The following CDH15 variants were observed in gnomAD, a reference collection of about 807,000 sequenced individuals.
CDH15 encodes the protein cadherin-15.
In CDH15, 73 loss-of-function variants were observed where a neutral mutation model predicts 69.4. That is an observed-to-expected ratio of 1.05 (90% CI 0.87 to 1.28). The LOEUF is 1.28. Among genes scored for constraint, CDH15 ranks in the 50% most tolerant of loss-of-function variants. CDH15 has a pLI of 0.00. For synonymous variants in CDH15, 624 were observed against 507.7 expected (o/e 1.23, Z -3.08); for missense variants, 1,343 against 1,133.6 (o/e 1.18, Z -2.65).
intron 13 of CDH15, among the ~76,000 whole-genome samples, chr16:89,194,627 C>A (rs576930013): frequency 6.6e-6 from 1 of 152,150 alleles, no homozygotes; most frequent in African/African-American, 2.4e-5. Context: ...CCCCGGGGGA[C>A]GGGCTGGCCG....
At chr16:89,181,194 T>A (rs1443806610) in intron 3 of CDH15, among the ~76,000 whole-genome samples, 1 of 152,064 alleles carries the variant, frequency 6.6e-6, no homozygotes, top group African/African-American at 2.4e-5. Flanking sequence ...AGTGCTAGGA[T>A]TACAGGCGTG....
chr16:89,171,806 C>G lies in CDH15; in HGVS notation c.-26C>G, dbSNP rs767669977. On this transcript the variant is annotated 5_prime_UTR_variant, in exon 1 of 14. Coordinates refer to ENST00000289746, the MANE Select transcript of CDH15 (RefSeq NM_004933.3). ...CGCTTCTTCGGGTCGCGGGTGCACTCCGGCCCGGCTCCCGCCTCGGCCCCG... is the reference window on the plus strand; with the variant it reads ...CGCTTCTTCGGGTCGCGGGTGCACTGCGGCCCGGCTCCCGCCTCGGCCCCG... 6.5e-6 allele frequency: 10 copies of G among 1,547,580 alleles called. No homozygotes were observed. The African/African-American group carries it at 8.2e-5, about 13-fold the overall frequency.
chr16:89,192,072 C>G lies in CDH15; in HGVS notation c.1616-133C>G, dbSNP rs1374819552. On this transcript the variant is annotated intron_variant, in intron 10 of 13. Transcript: ENST00000289746. ...CCGTGGGGCAGGGTTACTCATTGTG[C>G]CCAGAGGACGGTGGGGGTGGGGGGG... 8 of 1,269,872 alleles carry G rather than the reference C, an allele frequency of 6.3e-6. No individual in the cohort carries two copies. The East Asian group carries it at 1.3e-4, about 20-fold the overall frequency. 78.7% of individuals were successfully genotyped at this position (1,269,872 alleles called of 1,614,324 possible).
rs751373556 is a variant in CDH15 at position 89,191,305 on chromosome 16, C to G, written c.1233-25C>G. ...TGGGGCCCTGGGGTAAACTCAGATC[C>G]CACTCTTCCCCTCCCCTGCATCAGC... On this transcript the variant is annotated intron_variant, in intron 8 of 13. Coordinates refer to ENST00000289746, the MANE Select transcript of CDH15 (RefSeq NM_004933.3). 1.1e-5 allele frequency: 18 copies of G among 1,612,244 alleles called. No homozygotes were observed. In the African/African-American group the frequency reaches 1.7e-4, roughly 16 times the overall value.
At chr16:89,187,997 AGGAGGGAGGGTGGGAGG>A in intron 6 of CDH15, 86 bp from the exon 7 acceptor site, 1 of 832,772 alleles carries the variant, frequency 1.2e-6, no homozygotes, top group Non-Finnish European at 1.7e-6. Flanking sequence ...GCTGGGAGGC[AGGAGGGAGGGTGGGAGG>A]GGAGGGTGGG....
intron 1 of CDH15, among the ~76,000 whole-genome samples, chr16:89,176,151 T>A (rs1481331820): frequency 6.6e-6 from 1 of 152,178 alleles, no homozygotes; most frequent in Admixed American, 6.5e-5. Context: ...TGCCAACATC[T>A]CCTTCCCGGC....
intron 8 of CDH15, among the ~76,000 whole-genome samples, 180 bp from the exon 9 acceptor site, chr16:89,191,150 G>A (rs1251252378): frequency 2.0e-5 from 3 of 152,060 alleles, no homozygotes; most frequent in Non-Finnish European, 4.4e-5. Context: ...TGTGGTGTGT[G>A]CATGCATGTG....
intron 4 of CDH15, among the ~76,000 whole-genome samples, chr16:89,184,596 G>T (rs997644864): frequency 4.6e-5 from 7 of 152,172 alleles, no homozygotes; most frequent in African/African-American, 4.8e-5. Flanking sequence ...CAGCCTGCCC[G>T]CGCATCCTCT....
chr16:89,188,216 C>T lies in CDH15; in HGVS notation c.909C>T (p.Gly303=), dbSNP rs770466727. Residue 303 remains glycine (G), a synonymous_variant, in exon 7 of 14, where the codon GGC becomes GGT. Coordinates refer to ENST00000289746, the MANE Select transcript of CDH15 (RefSeq NM_004933.3). ...TGGCCAGGTTCACCATCCTGGAAGGCGACCCCGATGGGCAGTTCACCATCC... is the reference window on the plus strand; with the variant it reads ...TGGCCAGGTTCACCATCCTGGAAGGTGACCCCGATGGGCAGTTCACCATCC... ...NWVARFTILE[G]DPDGQFTIRT... is the part of the protein sequence containing the mutation. 14 of 1,613,360 alleles carry T rather than the reference C, an allele frequency of 8.7e-6. No homozygotes were observed. The highest frequency in any genetic ancestry group is 1.7e-5 in the Admixed American group (1 of 59,976).
At chr16:89,181,946 A>G (rs1432619834) in intron 3 of CDH15, among the ~76,000 whole-genome samples, 1 of 151,624 alleles carries the variant, frequency 6.6e-6, no homozygotes, top group Admixed American at 6.6e-5. Context: ...TCAAAAAAAA[A>G]AACAGAAGAA....
Position 89,191,772 on chromosome 16 carries a change from G to T in CDH15, c.1493G>T (p.Gly498Val). The T allele has an allele frequency of 6.2e-7, 1 of 1,606,410 alleles. No homozygotes were observed. The highest frequency in any genetic ancestry group is 8.5e-7 in the Non-Finnish European group (1 of 1,179,508). Residue 498 changes from glycine to valine, a missense_variant, in exon 10 of 14, where the codon GGC becomes GTC. Transcript: ENST00000289746. ...AGCCTGTGCAGCGAGCCACACCAAG[G>T]CCCAGGCCTCCTCCTGGGCGCCACG... ...PGSLCSEPHQ[G>V]PGLLLGATDE...
At chr16:89,183,296 G>GT (rs759194517) in intron 3 of CDH15, 61 of 528,574 alleles carry the variant, frequency 1.2e-4, no homozygotes, top group Non-Finnish European at 1.5e-4. Flanking sequence ...ACGTGAAGCT[G>GT]TGAGCTTCCT....
At chr16:89,172,717 C>G (rs1022440048) in intron 1 of CDH15, among the ~76,000 whole-genome samples, 4 of 152,180 alleles carry the variant, frequency 2.6e-5, no homozygotes, top group African/African-American at 9.7e-5. Flanking sequence ...CTAGGGGGAC[C>G]TAGACATGGA....
At chr16:89,190,979 C>T (rs1050882089) in intron 8 of CDH15, among the ~76,000 whole-genome samples, 2 of 149,828 alleles carry the variant, frequency 1.3e-5, no homozygotes, top group Admixed American at 1.4e-4. Flanking sequence ...ATCATATTCA[C>T]ATGGGTTGTG....
chr16:89,194,976 C>T lies in CDH15; in HGVS notation c.2266C>T (p.Gln756Ter). ...GACGCTGAGCTCCATCCTGTCCAGC[C>T]AGGGCGATGAGGACCAGGACTACGA... The part of the protein sequence containing the change: ...AGTLSSILSS[Q>*]GDEDQDYDYL... Residue 756 changes from glutamine to a stop codon, truncating the protein, a stop_gained, in exon 14 of 14, where the codon CAG becomes TAG. Transcript: ENST00000289746. LOFTEE classifies it low-confidence loss of function (END_TRUNC). 1 of 1,611,236 alleles carries T rather than the reference C, an allele frequency of 6.2e-7. No homozygotes were observed. Among genetic ancestry groups the T allele is most frequent in the Non-Finnish European group, 8.5e-7 (1 of 1,179,362 alleles).
At chr16:89,194,709 G>C (rs116487034) in intron 13 of CDH15, among the ~76,000 whole-genome samples, 153 bp from the exon 14 acceptor site, 73 of 152,300 alleles carry the variant, frequency 4.8e-4, no homozygotes, top group African/African-American at 1.7e-3. Flanking sequence ...CCCTCAGGAC[G>C]CTTTGCCTCC....
At position 89,194,869 on chromosome 16, in the gene CDH15, A is replaced by C. The variant is rs370967218; in HGVS notation, c.2159A>C (p.Glu720Ala). Residue 720 changes from glutamate to alanine, a missense_variant, in exon 14 of 14, where the codon GAG (glutamate) becomes GCG (alanine). Glu to Ala is a moderately radical substitution (Grantham distance 107). Coordinates refer to ENST00000289746, the MANE Select transcript of CDH15 (RefSeq NM_004933.3). ...CTCCGGGCCTCTTTATAGGGCTTGG[A>C]GGCTGCAGATAGTGACCCCAGTGTG... ...DIADFINDGL[E>A]AADSDPSVPP... 217 of 1,603,704 alleles carry C rather than the reference A, an allele frequency of 1.4e-4. No individual in the cohort carries two copies. Among genetic ancestry groups the C allele is most frequent in the Admixed American group, 2.2e-4 (13 of 59,314 alleles).
intron 12 of CDH15, 60 bp downstream of exon 12, chr16:89,193,666 TACA>T (rs1035279295): frequency 1.1e-5 from 18 of 1,567,268 alleles, no homozygotes; most frequent in Non-Finnish European, 1.5e-5. Context: ...CGGGCCTTCT[TACA>T]ACAAGCTGGC....
intron 10 of CDH15, 30 bp downstream of exon 10, chr16:89,191,924 C>T (rs1270652668): frequency 2.6e-6 from 4 of 1,522,506 alleles, no homozygotes; most frequent in South Asian, 1.2e-5. Context: ...GCGCTCCCCC[C>T]ATCCCCACGC....
Sources: allele counts gnomAD v4.1 joint callset (sites outside exome capture counted in the v4.1 genomes callset), GRCh38; gene constraint gnomAD v4.1.1; transcripts MANE v1.5; gene names NCBI Gene and HGNC (gene_info 2026-07-23, HGNC 2026-07-21).